Variants in HPS5 observed in about 807,000 individuals in gnomAD.
HPS5 encodes BLOC-2 complex member HPS5.
In HPS5, 83 loss-of-function variants were observed where a neutral mutation model predicts 128.0. That is an observed-to-expected ratio of 0.65 (90% confidence interval 0.54 to 0.78). The LOEUF (loss-of-function observed/expected upper bound fraction) is 0.78. Ranked by LOEUF, HPS5 falls within the 30% of genes least tolerant of loss-of-function variation. HPS5 has a pLI of 0.00. For missense variants in HPS5, 1,281 were observed against 1,326.2 expected (o/e 0.97, Z 0.53); for synonymous variants, 475 against 470.2 (o/e 1.01, Z -0.13).
At position 18,294,904 on chromosome 11, in the gene HPS5, G is replaced by A. The variant is rs565881699; in HGVS notation, c.1784+116C>T. The A allele has an allele frequency of 1.2e-4, 125 of 1,068,052 alleles. 1 individual carries two copies. In the East Asian group the frequency reaches 1.5e-3, roughly 13 times the overall value. The allele number at this position is 1,068,052 out of a possible 1,614,324, so 66.2% of individuals were successfully genotyped here. ...TTTGTGTTGGGCCACGTTCAAAGCC[G>A]TCCTGGAACACATGAGGCCCACGGG... is the stretch of plus-strand genomic sequence containing the variant. On this transcript the variant is annotated intron_variant, in intron 14 of 22. Transcript: ENST00000349215.
intron 5 of HPS5, among the ~76,000 whole-genome samples, chr11:18,309,642 G>A (rs1862746497): frequency 6.6e-6 from 1 of 152,230 alleles, no homozygotes; most frequent in African/African-American, 2.4e-5. Context: ...AGAATCAATT[G>A]ATAACGTTGA....
At chr11:18,279,978 T>C (rs1377082362) in intron 22 of HPS5, 36 bp from the exon 23 acceptor site, 29 of 1,597,006 alleles carry the variant, frequency 1.8e-5, no homozygotes, top group Non-Finnish European at 2.5e-5. Context: ...GCAAATTTAG[T>C]TGTCATTGTT....
At chr11:18,292,122 T>C in intron 15 of HPS5, 103 bp from the exon 16 acceptor site, 1 of 830,212 alleles carries the variant, frequency 1.2e-6, no homozygotes, top group East Asian at 2.5e-5. Flanking sequence ...CATACTCATC[T>C]GGAATAAACG....
chr11:18,309,004 A>G lies in HPS5; in HGVS notation c.553T>C (p.Leu185=). ...GAAGATATAAGTAGCCTTCCATCCA[A>G]ATAATCTAACTGTACAACACAGGAG... ...VDSCVVQLDY[L]DGRLLISSLT... The change falls in exon 6 of 23, where the codon TTG becomes CTG. Residue 185 remains leucine (L), a synonymous_variant. Transcript: ENST00000349215. 1 of 1,614,056 alleles carries G rather than the reference A, an allele frequency of 6.2e-7. No homozygotes were observed. The highest frequency in any genetic ancestry group is 8.5e-7 in the Non-Finnish European group (1 of 1,179,922).
chr11:18,283,423 C>A (rs988215135), intron 21 of HPS5, among the ~76,000 whole-genome samples: 2 of 151,502 alleles, frequency 1.3e-5, no homozygotes, highest in Non-Finnish European at 2.9e-5. Flanking sequence ...AGCTGTGTGA[C>A]TTTGGGCCAA....
At chr11:18,291,080 T>A (rs1860343182) in intron 16 of HPS5, among the ~76,000 whole-genome samples, 1 of 152,120 alleles carries the variant, frequency 6.6e-6, no homozygotes, top group South Asian at 2.1e-4. Flanking sequence ...TAGCTGGGCG[T>A]GGTGGTGCAC....
intron 14 of HPS5, among the ~76,000 whole-genome samples, chr11:18,294,600 C>T (rs1860825507): frequency 6.6e-6 from 1 of 152,174 alleles, no homozygotes; most frequent in South Asian, 2.1e-4. Context: ...TAAAACTCTG[C>T]TCAATAGATC....
chr11:18,283,854 C>T lies in HPS5; in HGVS notation c.2999G>A (p.Arg1000Lys). Residue 1000 changes from arginine to lysine, a missense_variant, in exon 21 of 23, where the codon AGA (arginine) becomes AAA (lysine). By Grantham distance (26) the Arg-to-Lys change is conservative. Transcript: ENST00000349215. ...LILCLELERR[R>K]EAFTNIVYLN... Reference sequence around the variant, plus strand: ...ATACACAATATTGGTGAAGGCCTCTCTTCTTCTCTCCAGCTCCAAACAGAG... The same window carrying T: ...ATACACAATATTGGTGAAGGCCTCTTTTCTTCTCTCCAGCTCCAAACAGAG... 1 of 1,613,514 alleles carries T rather than the reference C, an allele frequency of 6.2e-7. No homozygotes were observed. Among genetic ancestry groups the T allele is most frequent in the Non-Finnish European group, 8.5e-7 (1 of 1,179,690 alleles).
chr11:18,286,922 G>A lies in HPS5; in HGVS notation c.2718-212C>T, dbSNP rs980903266. 31 of 608,218 alleles carry A rather than the reference G, an allele frequency of 5.1e-5. No homozygotes were observed. In the African/African-American group the frequency reaches 5.1e-4, roughly 10 times the overall value. The allele number at this position is 608,218 out of a possible 1,614,324, so 37.7% of individuals were successfully genotyped here. ...AAGGGCCAAAAAAGAAAAAAAAAAA[G>A]GGAGAGAAAGAGAGAGAGAAAGAAA... On this transcript the variant is annotated intron_variant, in intron 18 of 22. Coordinates refer to ENST00000349215, the MANE Select transcript of HPS5 (RefSeq NM_181507.2).
intron 6 of HPS5, among the ~76,000 whole-genome samples, chr11:18,307,089 A>T (rs1862465614): frequency 6.6e-6 from 1 of 152,216 alleles, no homozygotes; most frequent in Non-Finnish European, 1.5e-5. Flanking sequence ...TTATGACATG[A>T]TATATGGCAA....
Position 18,310,855 on chromosome 11 carries a change from G to A in HPS5, c.363C>T (p.His121=). ...KPEQMYVSSE[H]KGRRVTALCW... is the part of the protein sequence containing the mutation. ...AGAGAGCTGTGACTCTTCGGCCTTTGTGTTCTGAAGACACATACATTTGTT... is the reference window on the plus strand; with the variant it reads ...AGAGAGCTGTGACTCTTCGGCCTTTATGTTCTGAAGACACATACATTTGTT... The change falls in exon 5 of 23, where the codon CAC becomes CAT. Residue 121 remains histidine (H), a synonymous_variant. Coordinates refer to ENST00000349215, the MANE Select transcript of HPS5 (RefSeq NM_181507.2). The A allele has an allele frequency of 6.2e-7, 1 of 1,611,672 alleles. No individual in the cohort carries two copies. Among genetic ancestry groups the A allele is most frequent in the Non-Finnish European group, 8.5e-7 (1 of 1,179,042 alleles).
chr11:18,296,092 T>C lies in HPS5; in HGVS notation c.1541A>G (p.Glu514Gly). 1.2e-6 allele frequency: 2 copies of C among 1,613,306 alleles called. No homozygotes were observed. Among genetic ancestry groups the C allele is most frequent in the Non-Finnish European group, 1.7e-6 (2 of 1,179,332 alleles). Residue 514 changes from glutamate (E) to glycine (G), a missense_variant, in exon 13 of 23, where the codon GAG (glutamate) becomes GGG (glycine). Glu to Gly is a moderately conservative substitution (Grantham distance 98). Transcript: ENST00000349215. ...DNVSHAPVMF[E>G]TDKNETFLPF... The stretch of plus-strand genomic sequence containing the variant: ...GAGAAAAGTTTCATTCTTATCTGTC[T>C]CAAACATCACTGGAGCATGAGAAAC...
chr11:18,306,220 C>T lies in HPS5; in HGVS notation c.739G>A (p.Glu247Lys), dbSNP rs1240960866. 6.2e-7 allele frequency: 1 copy of T among 1,614,094 alleles called. No individual in the cohort carries two copies. The highest frequency in any genetic ancestry group is 1.7e-5 in the Admixed American group (1 of 60,006). ...ATAACTTCTCCATCAAAGTTCACTT[C>T]CCACATCCTAGAGCCTGGGCGAGCA... ...YCARPGSRMW[E>K]VNFDGEVIST... Residue 247 changes from glutamate to lysine, a missense_variant, in exon 7 of 23, where the codon GAA becomes AAA. Transcript: ENST00000349215.
chr11:18,303,260 T>C (rs1861943827), intron 8 of HPS5, among the ~76,000 whole-genome samples: 1 of 92,814 alleles, frequency 1.1e-5, no homozygotes, highest in South Asian at 4.1e-4. Context: ...GTTTTCTATG[T>C]GTCTAGCACT....
At chr11:18,311,324 A>C in intron 4 of HPS5, 63 bp downstream of exon 4, 3 of 1,192,546 alleles carry the variant, frequency 2.5e-6, no homozygotes, top group Admixed American at 1.7e-5. Context: ...CACCCTAACA[A>C]ACACATGTGT....
chr11:18,297,724 A>G lies in HPS5; in HGVS notation c.1165-7T>C. 1 of 1,613,086 alleles carries G rather than the reference A, an allele frequency of 6.2e-7. No individual in the cohort carries two copies. The highest frequency in any genetic ancestry group is 2.2e-5 in the East Asian group (1 of 44,880). ...CAGTCAAAGTTTTTCTTGCCTAATA[A>G]AACAACAGCGCAATGGAATAGCTAT... On this transcript the variant is annotated splice_polypyrimidine_tract_variant and splice_region_variant and intron_variant, in intron 10 of 22. Transcript: ENST00000349215.
intron 2 of HPS5, chr11:18,314,378 A>T (rs1863365629): frequency 6.6e-6 from 1 of 152,186 alleles, no homozygotes; most frequent in Non-Finnish European, 1.5e-5. Context: ...AAAATTCAAA[A>T]ATTAGCCAGG....
chr11:18,308,867 G>C (rs1359052533), intron 6 of HPS5, 79 bp downstream of exon 6: 1 of 1,405,128 alleles, frequency 7.1e-7, no homozygotes, highest in South Asian at 1.2e-5. Context: ...TGATTGATGG[G>C]GCTTGGGGTA....
At chr11:18,286,887 G>T in intron 18 of HPS5, 177 bp from the exon 19 acceptor site, 4 of 572,084 alleles carry the variant, frequency 7.0e-6, no homozygotes, top group Non-Finnish European at 1.1e-5. Context: ...AGATAACAAA[G>T]AAAATGTCAA....
Sources: allele counts gnomAD v4.1 joint callset (sites outside exome capture counted in the v4.1 genomes callset), GRCh38; gene constraint gnomAD v4.1.1; transcripts MANE v1.5; gene names NCBI Gene and HGNC (gene_info 2026-07-23, HGNC 2026-07-21).